Variants in GPATCH2 observed in about 807,000 individuals in gnomAD.
The protein encoded by GPATCH2 is G-patch domain containing 2, also known as G patch domain-containing protein 2.
A neutral mutation model predicts 58.0 loss-of-function variants in GPATCH2; 51 were observed. The observed-to-expected ratio is 0.88, with a 90% confidence interval of 0.70 to 1.11. GPATCH2 has a LOEUF of 1.11. GPATCH2 is among the 50% of genes most tolerant of loss of function. The probability of loss-of-function intolerance (pLI) is 0.00; values close to 1 mark genes in which losing one functional copy is unlikely to be tolerated. For synonymous variants in GPATCH2, 222 were observed against 218.5 expected, an observed-to-expected ratio of 1.02 and a Z score of -0.14; for missense variants, 625 against 652.2, an observed-to-expected ratio of 0.96 and a Z score of 0.45.
intron 1 of GPATCH2, among the ~76,000 whole-genome samples, chr1:217,622,338 G>GT (rs374375999): frequency 6.6e-6 from 1 of 152,292 alleles, no homozygotes; most frequent in Non-Finnish European, 1.5e-5. Context: ...GAGCAACTAA[G>GT]TAACATGGCA....
At chr1:217,521,564 C>T (rs1200407253) in intron 5 of GPATCH2, among the ~76,000 whole-genome samples, 1 of 151,974 alleles carries the variant, frequency 6.6e-6, no homozygotes, top group Non-Finnish European at 1.5e-5. Flanking sequence ...AACAGGGTTA[C>T]CAGCACATAT....
At chr1:217,531,044 A>AACACACAC (rs56751109) in intron 5 of GPATCH2, among the ~76,000 whole-genome samples, 23 of 148,192 alleles carry the variant, frequency 1.6e-4, no homozygotes, top group East Asian at 2.0e-4. Flanking sequence ...CAGTTACACA[A>AACACACAC]ACACACACAC....
At chr1:217,433,549 T>A (rs1658657110) in intron 9 of GPATCH2, among the ~76,000 whole-genome samples, 1 of 151,756 alleles carries the variant, frequency 6.6e-6, no homozygotes, top group African/African-American at 2.4e-5. Context: ...GGTGTGTGCC[T>A]TCACCCAACT....
intron 6 of GPATCH2, among the ~76,000 whole-genome samples, chr1:217,514,394 G>C (rs1202309950): frequency 6.6e-6 from 1 of 152,058 alleles, no homozygotes; most frequent in East Asian, 1.9e-4. Flanking sequence ...CCTGAACTCA[G>C]GTGATCTGCC....
intron 5 of GPATCH2, among the ~76,000 whole-genome samples, chr1:217,516,931 T>C (rs143051687): frequency 0.011 from 1,694 of 152,314 alleles, 40 homozygotes; most frequent in African/African-American, 0.039. Flanking sequence ...ATCTGAAATT[T>C]AATAAATGAA....
chr1:217,613,450 T>C (rs1668730915), intron 3 of GPATCH2, among the ~76,000 whole-genome samples: 1 of 152,142 alleles, frequency 6.6e-6, no homozygotes, highest in African/African-American at 2.4e-5. Context: ...AAAACATTTG[T>C]GATAGGTATC....
chr1:217,620,243 C>G lies in GPATCH2; in HGVS notation c.313G>C (p.Glu105Gln), dbSNP rs1669118510. ...TCTTTTTTATTATTATTGTGATTCT[C>G]TCTATAGTCCTTGCTTGGTTCTTCT... ...SLEEPSKDYR[E>Q]NHNNNKKDHS... Residue 105 changes from glutamate to glutamine, a missense_variant, in exon 2 of 10, where the codon GAG (glutamate) becomes CAG (glutamine). Glu to Gln is a conservative substitution (Grantham distance 29). Coordinates refer to ENST00000366935, the MANE Select transcript of GPATCH2 (RefSeq NM_018040.5). 1 of 1,613,736 alleles carries G rather than the reference C, an allele frequency of 6.2e-7. No individual in the cohort carries two copies. Among genetic ancestry groups the G allele is most frequent in the East Asian group, 2.2e-5 (1 of 44,876 alleles).
At chr1:217,514,050 C>G (rs997500584) in intron 6 of GPATCH2, among the ~76,000 whole-genome samples, 2 of 152,002 alleles carry the variant, frequency 1.3e-5, no homozygotes, top group African/African-American at 4.8e-5. Context: ...TGGTCTCGAA[C>G]TCATGACCTC....
At position 217,431,265 on chromosome 1, in the gene GPATCH2, A is replaced by C; in HGVS notation, c.1467T>G (p.Asp489Glu). 6.2e-7 allele frequency: 1 copy of C among 1,605,964 alleles called. No homozygotes were observed. Among genetic ancestry groups the C allele is most frequent in the Non-Finnish European group, 8.5e-7 (1 of 1,172,600 alleles). Residue 489 changes from aspartate (D) to glutamate (E), a missense_variant, in exon 10 of 10, where the codon GAT becomes GAG. Coordinates refer to ENST00000366935, the MANE Select transcript of GPATCH2 (RefSeq NM_018040.5). ...GAATTGGCTCAGAGATCCCCTTGCCATCTCGTCCAAGGCCTGACCCAGGCG... is the reference window on the plus strand; with the variant it reads ...GAATTGGCTCAGAGATCCCCTTGCCCTCTCGTCCAAGGCCTGACCCAGGCG... The part of the protein sequence containing the change: ...GWTPGSGLGR[D>E]GKGISEPIQA...
intron 5 of GPATCH2, among the ~76,000 whole-genome samples, chr1:217,566,844 C>T (rs1666259417): frequency 6.6e-6 from 1 of 152,104 alleles, no homozygotes; most frequent in Non-Finnish European, 1.5e-5. Flanking sequence ...TGTTTTGCTA[C>T]TGTGGCAGTT....
intron 6 of GPATCH2, among the ~76,000 whole-genome samples, chr1:217,500,528 T>C (rs1662245640): frequency 6.6e-6 from 1 of 152,092 alleles, no homozygotes; most frequent in African/African-American, 2.4e-5. Context: ...TTTGAGTTGA[T>C]TTTTTCCCGC....
Position 217,521,655 on chromosome 1 carries a change from C to T in GPATCH2, c.1099-6766G>A, listed in dbSNP as rs529229450. Among the ~76,000 whole-genome samples, 18 of 152,294 alleles carry T rather than the reference C, an allele frequency of 1.2e-4. No individual in the cohort carries two copies. The East Asian group carries it at 3.5e-3, about 29-fold the overall frequency. ...AGAAGGCTAACATTTACAAAGTGTA[C>T]TGGAGAGGAGTAAACACTCCGCGAT... is the stretch of plus-strand genomic sequence containing the variant. On this transcript the variant is annotated intron_variant, in intron 5 of 9. Coordinates refer to ENST00000366935, the MANE Select transcript of GPATCH2 (RefSeq NM_018040.5).
intron 8 of GPATCH2, among the ~76,000 whole-genome samples, chr1:217,487,804 G>A (rs892448459): frequency 6.6e-6 from 1 of 151,924 alleles, no homozygotes; most frequent in Non-Finnish European, 1.5e-5. Context: ...GTGCAGTGGC[G>A]TGATCTAGGC....
intron 5 of GPATCH2, among the ~76,000 whole-genome samples, chr1:217,550,644 C>T (rs140669648): frequency 0.01 from 1,567 of 151,928 alleles, 24 homozygotes; most frequent in African/African-American, 0.036. Flanking sequence ...TGTTTAATAA[C>T]TTGCTTCAAT....
intron 5 of GPATCH2, among the ~76,000 whole-genome samples, chr1:217,523,291 T>C (rs1663570432): frequency 6.6e-6 from 1 of 151,638 alleles, no homozygotes; most frequent in South Asian, 2.1e-4. Context: ...AACAAAGGTC[T>C]CTGGTTTTCC....
intron 9 of GPATCH2, among the ~76,000 whole-genome samples, chr1:217,446,818 T>TA (rs1659410096): frequency 6.6e-6 from 1 of 152,200 alleles, no homozygotes. Context: ...ATATGCCATA[T>TA]AAATGATTTC....
chr1:217,534,624 A>C (rs1448393707), intron 5 of GPATCH2, among the ~76,000 whole-genome samples: 15 of 152,018 alleles, frequency 9.9e-5, no homozygotes, highest in Non-Finnish European at 2.2e-4. Context: ...ACAAAAGCTC[A>C]CAACTGGTAC....
At chr1:217,474,250 A>C (rs1043615432) in intron 8 of GPATCH2, among the ~76,000 whole-genome samples, 12 of 152,204 alleles carry the variant, frequency 7.9e-5, no homozygotes, top group African/African-American at 2.2e-4. Flanking sequence ...TACAGTGTCC[A>C]TTATTGATGA....
chr1:217,518,445 T>C (rs555994710), intron 5 of GPATCH2, among the ~76,000 whole-genome samples: 1 of 152,342 alleles, frequency 6.6e-6, no homozygotes, highest in East Asian at 1.9e-4. Context: ...CCTGATGTAT[T>C]GATACCAATT....
Sources: gnomAD v4.1 joint callset for allele counts (sites outside exome capture counted in the v4.1 genomes callset) on GRCh38, gnomAD v4.1.1 for gene constraint, MANE v1.5 for transcripts, NCBI Gene and HGNC (gene_info 2026-07-23, HGNC 2026-07-21) for gene names.